The following SCOC variants were observed in gnomAD, a reference collection of about 807,000 sequenced individuals.
The protein encoded by SCOC is short coiled coil protein.
Under a neutral mutation model 9.9 loss-of-function variants are expected in SCOC, and 7 were observed. The observed-to-expected ratio is 0.71, with a 90% confidence interval of 0.40 to 1.33. The LOEUF (loss-of-function observed/expected upper bound fraction) is 1.33, where lower values mean the gene tolerates loss of function less well. Ranked by LOEUF, SCOC falls within the 40% of genes most tolerant of loss-of-function variation. The probability of loss-of-function intolerance (pLI) is 0.01; values close to 1 mark genes in which losing one functional copy is unlikely to be tolerated. For missense variants in SCOC, 66 were observed against 89.7 expected (o/e 0.74, Z 1.07); for synonymous variants, 19 against 28.2 (o/e 0.67, Z 1.03).
chr4:140,362,387 C>G (rs1263174611), intron 2 of SCOC, among the ~76,000 whole-genome samples: 1 of 140,588 alleles, frequency 7.1e-6, no homozygotes, highest in East Asian at 2.1e-4. Context: ...CCTCCACCTC[C>G]TGGGTTCAAG....
intron 1 of SCOC, among the ~76,000 whole-genome samples, chr4:140,265,535 A>G (rs1269285509): frequency 6.6e-6 from 1 of 152,208 alleles, no homozygotes; most frequent in Non-Finnish European, 1.5e-5. Flanking sequence ...ATGGACAGAA[A>G]AGGGAAACTG....
At chr4:140,338,815 G>C (rs1384174296), upstream of SCOC, among the ~76,000 whole-genome samples, 1 of 152,174 alleles carries the variant, frequency 6.6e-6, no homozygotes, top group Non-Finnish European at 1.5e-5. Context: ...CAAACAAATG[G>C]AAGAACATTC....
At chr4:140,259,476 G>A (rs538169905) in intron 1 of SCOC, among the ~76,000 whole-genome samples, 6 of 152,152 alleles carry the variant, frequency 3.9e-5, no homozygotes, top group African/African-American at 1.2e-4. Flanking sequence ...ACTACTTTTC[G>A]GCTGGGCATG....
At chr4:140,354,509 CTTTTTTTTTTTTTT>C (rs397878492) in intron 2 of SCOC, among the ~76,000 whole-genome samples, 1 of 103,730 alleles carries the variant, frequency 9.6e-6, no homozygotes, top group Non-Finnish European at 1.9e-5. Context: ...TCTCAAAGAA[CTTTTTTTTTTTTTT>C]TTTTTTTTTG....
chr4:140,258,968 C>T (rs1344639653), intron 1 of SCOC, among the ~76,000 whole-genome samples: 2 of 152,222 alleles, frequency 1.3e-5, no homozygotes, highest in African/African-American at 4.8e-5. Flanking sequence ...ATATGACTTA[C>T]CGCTGAACAA....
chr4:140,258,275 AC>A (rs1392965944), intron 1 of SCOC, among the ~76,000 whole-genome samples: 5 of 152,094 alleles, frequency 3.3e-5, no homozygotes, highest in Non-Finnish European at 7.4e-5. Context: ...CCCAGATTTT[AC>A]CCATATCAAA....
chr4:140,308,732 T>G (rs1449494710), intron 1 of SCOC, among the ~76,000 whole-genome samples: 1 of 152,172 alleles, frequency 6.6e-6, no homozygotes, highest in Admixed American at 6.5e-5. Context: ...CTCTGAGAAG[T>G]GTCTGGAGAA....
At chr4:140,283,685 T>A (rs973519530) in intron 1 of SCOC, 3 of 152,202 alleles carry the variant, frequency 2.0e-5, no homozygotes, top group Non-Finnish European at 4.4e-5. Context: ...ATGACCTTCA[T>A]GTGAAAGGAA....
chr4:140,269,907 A>G (rs1473151034), intron 1 of SCOC, among the ~76,000 whole-genome samples: 1 of 152,014 alleles, frequency 6.6e-6, no homozygotes, highest in African/African-American at 2.4e-5. Flanking sequence ...CATAACCACA[A>G]CACCTGGCTA....
intron 1 of SCOC, among the ~76,000 whole-genome samples, chr4:140,326,663 AGGGAGAAAACAAACC>A (rs1732658378): frequency 2.0e-5 from 3 of 152,006 alleles, no homozygotes; most frequent in Non-Finnish European, 2.9e-5. Flanking sequence ...CTACACTGTT[AGGGAGAAAACAAACC>A]TCCCGTGGAC....
intron 1 of SCOC, among the ~76,000 whole-genome samples, chr4:140,262,639 C>T (rs555509072): frequency 1.3e-5 from 2 of 152,162 alleles, no homozygotes; most frequent in Non-Finnish European, 2.9e-5. Context: ...ACGTATTAGT[C>T]GGTTCTCACA....
chr4:140,259,653 G>A (rs1264802046), intron 1 of SCOC, among the ~76,000 whole-genome samples: 1 of 152,168 alleles, frequency 6.6e-6, no homozygotes, highest in Non-Finnish European at 1.5e-5. Flanking sequence ...AGGCTGCAAT[G>A]AGCTATGAGC....
intron 1 of SCOC, among the ~76,000 whole-genome samples, chr4:140,296,247 A>G (rs1322422848): frequency 2.6e-5 from 4 of 152,186 alleles, no homozygotes; most frequent in Admixed American, 6.5e-5. Context: ...ATCAAATCCA[A>G]AATGGATTTA....
Position 140,366,179 on chromosome 4 carries a change from CTTTCT to C in SCOC, c.71-12938_71-12934del, listed in dbSNP as rs1302462161. 2.1e-4 allele frequency: 130 copies of C among 606,256 alleles called. 1 individual carries two copies. The highest frequency in any genetic ancestry group is 1.0e-4 in the Non-Finnish European group (43 of 410,492). 37.6% of individuals were successfully genotyped at this position (606,256 alleles called of 1,614,324 possible). ...CAATCTTGGGTGCCTCCTTTTCTTT[CTTTCT>C]TTTTTTTTTTTTTTTCCCAAATAGA... On this transcript the variant is annotated intron_variant, in intron 2 of 4. Transcript: ENST00000338517.
At chr4:140,325,067 C>T (rs1021009947) in intron 1 of SCOC, among the ~76,000 whole-genome samples, 3 of 151,968 alleles carry the variant, frequency 2.0e-5, no homozygotes, top group African/African-American at 7.2e-5. Flanking sequence ...GGTGCCAAGA[C>T]AATGCAATGG....
At chr4:140,360,980 T>C (rs1282153017) in intron 2 of SCOC, 7 of 151,644 alleles carry the variant, frequency 4.6e-5, no homozygotes, top group East Asian at 1.9e-4. Flanking sequence ...AGATACTGTA[T>C]AAAGAAGGAG....
upstream of SCOC, among the ~76,000 whole-genome samples, chr4:140,371,648 CT>C (rs1179323537): frequency 6.6e-6 from 1 of 152,130 alleles, no homozygotes; most frequent in African/African-American, 2.4e-5. Context: ...TCCAGGTACC[CT>C]TTTTTTCCTA....
intron 2 of SCOC, among the ~76,000 whole-genome samples, chr4:140,353,399 C>CT (rs1560715412): frequency 6.6e-6 from 1 of 151,288 alleles, no homozygotes; most frequent in Non-Finnish European, 1.5e-5. Context: ...TATTCATTTT[C>CT]TTTTTTTCTT....
intron 1 of SCOC, among the ~76,000 whole-genome samples, chr4:140,298,840 G>A (rs1157534755): frequency 1.3e-5 from 2 of 152,130 alleles, no homozygotes; most frequent in African/African-American, 4.8e-5. Context: ...TTCTGAGACA[G>A]GGCTTTACTC....
Sources: allele counts gnomAD v4.1 joint callset (sites outside exome capture counted in the v4.1 genomes callset), GRCh38; gene constraint gnomAD v4.1.1; transcripts MANE v1.5; gene names NCBI Gene and HGNC (gene_info 2026-07-23, HGNC 2026-07-21).